The following YME1L1 variants were observed in gnomAD, a reference collection of about 807,000 sequenced individuals.
YME1L1 encodes the protein YME1 like 1 ATPase.
YME1L1 carries 39 observed loss-of-function variants against 90.4 expected under a neutral mutation model. The observed-to-expected ratio is 0.43, with a 90% CI of 0.33 to 0.56. The LOEUF is 0.56. Among genes scored for constraint, YME1L1 ranks in the 20% least tolerant of loss-of-function variants. The pLI, the probability that YME1L1 is intolerant of heterozygous loss-of-function variation, is 0.03. For synonymous variants in YME1L1, 284 were observed against 287.3 expected, an observed-to-expected ratio of 0.99 and a Z score of 0.12; for missense variants, 617 against 868.4, an observed-to-expected ratio of 0.71 and a Z score of 3.64.
At chr10:27,121,057 T>C (rs905218488) in intron 12 of YME1L1, among the ~76,000 whole-genome samples, 1 of 152,248 alleles carries the variant, frequency 6.6e-6, no homozygotes, top group African/African-American at 2.4e-5. Context: ...ATAAATATTT[T>C]AAGTTTTATT....
intron 18 of YME1L1, among the ~76,000 whole-genome samples, chr10:27,113,253 A>T (rs66853337): frequency 1.6e-4 from 15 of 95,020 alleles, no homozygotes; most frequent in East Asian, 6.0e-4. Context: ...AAAAAAAAAA[A>T]AAAAAAAAAA....
At chr10:27,144,491 T>G (rs2057121513) in intron 3 of YME1L1, among the ~76,000 whole-genome samples, 1 of 152,200 alleles carries the variant, frequency 6.6e-6, no homozygotes, top group African/African-American at 2.4e-5. Flanking sequence ...ATGGCCTGTT[T>G]AAGTGCCATC....
intron 18 of YME1L1, among the ~76,000 whole-genome samples, chr10:27,113,001 C>T (rs894798153): frequency 2.6e-5 from 4 of 152,006 alleles, no homozygotes; most frequent in African/African-American, 4.8e-5. Context: ...GCAGGTGGAT[C>T]GTTTGAGCCC....
intron 17 of YME1L1, among the ~76,000 whole-genome samples, 168 bp downstream of exon 17, chr10:27,115,892 A>G (rs974974361): frequency 2.4e-4 from 36 of 152,222 alleles, no homozygotes; most frequent in African/African-American, 8.2e-4. Flanking sequence ...AGCTAAGAGA[A>G]GGTCCATTTT....
chr10:27,136,315 T>G lies in YME1L1; in HGVS notation c.501A>C (p.Arg167Ser), dbSNP rs2057026498. Residue 167 changes from arginine to serine, a missense_variant, in exon 5 of 19, where the codon AGA becomes AGC. Physicochemically the swap from Arg to Ser is moderately radical, Grantham distance 110. This residue lies in a region of YME1L1 where 311 missense variants were observed against 335.8 expected (regional missense o/e 0.93). Coordinates refer to ENST00000376016, the MANE Select transcript of YME1L1 (RefSeq NM_014263.4). ...RTRRLQSTSERLAETQNIAPS... is the reference protein window; with the variant it reads ...RTRRLQSTSESLAETQNIAPS... ...GCGCTATATTCTGTGTTTCAGCTAA[T>G]CTCTCGGAGGTAGACTGGAGACGTC... is the stretch of plus-strand genomic sequence containing the variant. The G allele has an allele frequency of 1.2e-6, 2 of 1,613,810 alleles. No homozygotes were observed. The highest frequency in any genetic ancestry group is 1.1e-5 in the South Asian group (1 of 91,074).
At chr10:27,124,645 G>T (rs2056899101) in intron 9 of YME1L1, among the ~76,000 whole-genome samples, 1 of 152,004 alleles carries the variant, frequency 6.6e-6, no homozygotes, top group Non-Finnish European at 1.5e-5. Context: ...TTACATCTTG[G>T]TATCTGAAGA....
Position 27,117,675 on chromosome 10 carries a change from T to G in YME1L1, c.1620A>C (p.Ala540=). The G allele has an allele frequency of 6.2e-7, 1 of 1,614,236 alleles. No individual in the cohort carries two copies. The highest frequency in any genetic ancestry group is 8.5e-7 in the Non-Finnish European group (1 of 1,180,022). The part of the protein sequence containing the change: ...EIDNKNKTIT[A]YHESGHAIIA... ...TAATGGCATGACCAGATTCATGATA[T>G]GCTGTGATGGTTTTGTTTTTGTTAT... Residue 540 remains alanine, a synonymous_variant, in exon 15 of 19, where the codon GCA becomes GCC. Transcript: ENST00000376016.
chr10:27,150,256 T>C (rs2368217), intron 1 of YME1L1, among the ~76,000 whole-genome samples: 36,612 of 151,974 alleles, frequency 0.24, 4,957 homozygotes, highest in East Asian at 0.56. Flanking sequence ...ATTAAATGGG[T>C]TCTTATTATA....
rs2056953160 is a variant in YME1L1 at position 27,129,199 on chromosome 10, G to A, written c.859-2413C>T. On this transcript the variant is annotated intron_variant, in intron 8 of 18. Coordinates refer to ENST00000376016, the MANE Select transcript of YME1L1 (RefSeq NM_014263.4). Reference sequence around the variant, plus strand: ...AATAACAATGCTGTGTCTGACCTCAGCCTTAATACAGGCTCAATTTAGAAA... The same window carrying A: ...AATAACAATGCTGTGTCTGACCTCAACCTTAATACAGGCTCAATTTAGAAA... 2.7e-5 allele frequency: 4 copies of A among 150,410 alleles called. 1 individual carries two copies. In the South Asian group the frequency reaches 8.5e-4, roughly 32 times the overall value. The allele number at this position is 150,410 out of a possible 1,614,324, so 9.3% of individuals were successfully genotyped here.
chr10:27,113,647 G>A (rs1363272077), intron 18 of YME1L1, among the ~76,000 whole-genome samples: 1 of 150,862 alleles, frequency 6.6e-6, no homozygotes, highest in African/African-American at 2.4e-5. Context: ...ACTCCAGCCT[G>A]GGCAACAAGA....
At chr10:27,114,437 GCC>G (rs1017211781) in intron 18 of YME1L1, 82 bp downstream of exon 18, 1 of 972,408 alleles carries the variant, frequency 1.0e-6, no homozygotes, top group Non-Finnish European at 1.5e-6. Context: ...TGAACAGAGG[GCC>G]TTCAGCTGTT....
chr10:27,133,753 G>A (rs1197576001), intron 7 of YME1L1, among the ~76,000 whole-genome samples: 1 of 152,010 alleles, frequency 6.6e-6, no homozygotes, highest in Non-Finnish European at 1.5e-5. Context: ...TGAAATAGAA[G>A]ACTATTTCAG....
rs749927416 is a variant in YME1L1 at position 27,149,009 on chromosome 10, G to A, written c.65C>T (p.Ala22Val). ...AGAAGTGTTTTTTGGTGTATGGAAG[G>A]CATTGATGAGATGACTCAGAGGAAC... Reference protein sequence around the residue: ...VTVPLSHLINAFHTPKNTSVS... With the variant: ...VTVPLSHLINVFHTPKNTSVS... Residue 22 changes from alanine (A) to valine (V), a missense_variant, in exon 2 of 19, where the codon GCC becomes GTC. Physicochemically the swap from Ala to Val is moderately conservative, Grantham distance 64. Coordinates refer to ENST00000376016, the MANE Select transcript of YME1L1 (RefSeq NM_014263.4). 2 of 1,612,684 alleles carry A rather than the reference G, an allele frequency of 1.2e-6. No individual in the cohort carries two copies. Among genetic ancestry groups the A allele is most frequent in the Non-Finnish European group, 1.7e-6 (2 of 1,179,484 alleles).
chr10:27,114,711 G>A (rs1022075147), intron 17 of YME1L1, 104 bp from the exon 18 acceptor site: 15 of 749,632 alleles, frequency 2.0e-5, no homozygotes, highest in Non-Finnish European at 2.9e-5. Flanking sequence ...ATATATGGGG[G>A]ACAAGAAAGA....
intron 11 of YME1L1, 78 bp from the exon 12 acceptor site, chr10:27,121,526 G>T: frequency 2.8e-6 from 3 of 1,087,912 alleles, no homozygotes; most frequent in South Asian, 1.3e-5. Flanking sequence ...CACAAAACTG[G>T]TTTGTTTTCT....
intron 9 of YME1L1, among the ~76,000 whole-genome samples, chr10:27,125,641 AT>A (rs199852948): frequency 0.014 from 1,872 of 134,132 alleles, 32 homozygotes; most frequent in African/African-American, 0.044. Context: ...TAAATGTCCT[AT>A]TTTTTTTTTT....
intron 8 of YME1L1, among the ~76,000 whole-genome samples, chr10:27,129,683 TA>T (rs1269150736): frequency 3.9e-5 from 6 of 152,022 alleles, no homozygotes; most frequent in Non-Finnish European, 4.4e-5. Flanking sequence ...AGTGTGGTAC[TA>T]AAGTTGCAGA....
intron 9 of YME1L1, among the ~76,000 whole-genome samples, chr10:27,125,709 C>T (rs1465065979): frequency 6.8e-6 from 1 of 148,140 alleles, no homozygotes; most frequent in Non-Finnish European, 1.5e-5. Context: ...GGAACAATCT[C>T]GGCTCACTGC....
chr10:27,141,601 GACACACACACACACACACACAC>G (rs60043957), intron 4 of YME1L1, among the ~76,000 whole-genome samples: 6 of 141,580 alleles, frequency 4.2e-5, no homozygotes, highest in South Asian at 4.7e-4. Flanking sequence ...GATGTCCCTC[GACACACACACACACACACACAC>G]ACACACACAC....
Sources: gnomAD v4.1 joint callset for allele counts (sites outside exome capture counted in the v4.1 genomes callset) on GRCh38, gnomAD v4.1.1 for gene constraint, gnomAD v4.1.1 regional missense constraint, MANE v1.5 for transcripts, NCBI Gene and HGNC (gene_info 2026-07-23, HGNC 2026-07-21) for gene names.